Variants in GCNT1 observed in about 807,000 individuals in gnomAD.
GCNT1 encodes the protein glucosaminyl (N-acetyl) transferase 1.
In GCNT1, 16 loss-of-function variants were observed where a neutral mutation model predicts 26.2. The observed-to-expected ratio is 0.61, with a 90% CI of 0.41 to 0.93. The LOEUF is 0.93. Ranked by LOEUF, GCNT1 falls within the 40% of genes least tolerant of loss-of-function variation. The pLI is 0.00. For synonymous variants in GCNT1, 183 were observed against 190.8 expected (o/e 0.96, Z 0.34); for missense variants, 477 against 526.7 (o/e 0.91, Z 0.92).
the GCNT1 span, among the ~76,000 whole-genome samples, chr9:76,402,370 T>G: frequency 6.6e-6 from 1 of 152,210 alleles, no homozygotes; most frequent in South Asian, 2.1e-4. Context: ...AAATAACATT[T>G]TGAAAACTAA....
chr9:76,428,504 T>C (rs1184318247), intron 1 of GCNT1, among the ~76,000 whole-genome samples: 2 of 151,928 alleles, frequency 1.3e-5, no homozygotes, highest in East Asian at 1.9e-4. Flanking sequence ...ATATTTGCTT[T>C]TTTTGACTTC....
chr9:76,447,791 A>T (rs933829857), intron 1 of GCNT1, among the ~76,000 whole-genome samples: 1 of 152,008 alleles, frequency 6.6e-6, no homozygotes, highest in African/African-American at 2.4e-5. Flanking sequence ...CTTTAAAAAA[A>T]CTCTGTGAGC....
At chr9:76,472,656 C>G (rs1208023605) in intron 2 of GCNT1, among the ~76,000 whole-genome samples, 1 of 152,044 alleles carries the variant, frequency 6.6e-6, no homozygotes, top group East Asian at 1.9e-4. Flanking sequence ...TAAATATTTA[C>G]AGTAGACCTG....
intron 2 of GCNT1, among the ~76,000 whole-genome samples, chr9:76,488,682 A>C (rs966860401): frequency 1.3e-5 from 2 of 152,122 alleles, no homozygotes; most frequent in African/African-American, 4.8e-5. Flanking sequence ...ACAGGGTTTC[A>C]TCATGTTGGC....
At chr9:76,469,854 C>A (rs921415303) in intron 2 of GCNT1, among the ~76,000 whole-genome samples, 1 of 152,138 alleles carries the variant, frequency 6.6e-6, no homozygotes, top group East Asian at 1.9e-4. Context: ...ATAACACTCA[C>A]CGCATGGCCC....
At chr9:76,428,862 G>A (rs533125624) in intron 1 of GCNT1, among the ~76,000 whole-genome samples, 17 of 151,912 alleles carry the variant, frequency 1.1e-4, no homozygotes, top group African/African-American at 3.9e-4. Flanking sequence ...CACCACACCC[G>A]GCTAATTTTG....
chr9:76,421,914 G>A (rs1270706188), intron 1 of GCNT1, among the ~76,000 whole-genome samples: 2 of 151,864 alleles, frequency 1.3e-5, no homozygotes, highest in East Asian at 3.9e-4. Context: ...TTCATTCTTA[G>A]GCTGCTATGA....
chr9:76,488,301 G>A (rs1008081537), intron 2 of GCNT1, among the ~76,000 whole-genome samples: 1 of 152,074 alleles, frequency 6.6e-6, no homozygotes, highest in Non-Finnish European at 1.5e-5. Context: ...TTTAGTTGAC[G>A]ACTTCTTTCC....
intron 2 of GCNT1, among the ~76,000 whole-genome samples, chr9:76,465,417 C>T (rs1208472428): frequency 6.6e-6 from 1 of 152,188 alleles, no homozygotes; most frequent in Non-Finnish European, 1.5e-5. Context: ...AGCCACCGCA[C>T]CTGGCCTAAT....
the GCNT1 span, among the ~76,000 whole-genome samples, chr9:76,414,301 A>G: frequency 6.6e-6 from 1 of 152,182 alleles, no homozygotes; most frequent in Admixed American, 6.5e-5. Context: ...AAACAACAAA[A>G]AGTACACCTT....
chr9:76,411,279 T>G, the GCNT1 span, among the ~76,000 whole-genome samples: 1 of 152,146 alleles, frequency 6.6e-6, no homozygotes, highest in Non-Finnish European at 1.5e-5. Flanking sequence ...GTTTTTGACT[T>G]CCACTTTTTC....
chr9:76,403,709 A>G, the GCNT1 span, among the ~76,000 whole-genome samples: 1 of 152,202 alleles, frequency 6.6e-6, no homozygotes, highest in Admixed American at 6.5e-5. Flanking sequence ...TCAATCACAA[A>G]AGATAAAAAG....
upstream of GCNT1, chr9:76,419,746 T>G (rs984150878): frequency 2.6e-5 from 4 of 152,196 alleles, no homozygotes; most frequent in Admixed American, 2.0e-4. Context: ...ACTGCTACAT[T>G]GTGACTTAAC....
At chr9:76,497,610 C>T (rs1009598240) in intron 2 of GCNT1, among the ~76,000 whole-genome samples, 1 of 152,116 alleles carries the variant, frequency 6.6e-6, no homozygotes, top group African/African-American at 2.4e-5. Flanking sequence ...AGGATGTAGA[C>T]GACAGTGGTA....
rs189741084 is a variant in GCNT1 at position 76,505,438 on chromosome 9, T to C, written c.*1770T>C. 401 of 167,374 alleles carry C rather than the reference T, an allele frequency of 2.4e-3. No individual in the cohort carries two copies. The highest frequency in any genetic ancestry group is 7.8e-3 in the African/African-American group (324 of 41,584). The allele number at this position is 167,374 out of a possible 1,614,324, so 10.4% of individuals were successfully genotyped here. On this transcript the variant is annotated 3_prime_UTR_variant, in exon 4 of 4. Transcript: ENST00000376730. Reference sequence around the variant, plus strand: ...GTACATGCAGTGTGTTCTCTCTTTATTGGCTTCTAAACCAGTTTTGTCCTT... The same window carrying C: ...GTACATGCAGTGTGTTCTCTCTTTACTGGCTTCTAAACCAGTTTTGTCCTT...
upstream of GCNT1, among the ~76,000 whole-genome samples, chr9:76,454,584 T>C (rs1438850946): frequency 7.1e-6 from 1 of 141,086 alleles, no homozygotes; most frequent in Admixed American, 7.0e-5. Context: ...GTAATCCCCA[T>C]AATCCCCACG....
chr9:76,444,349 G>A (rs1484603790), intron 1 of GCNT1, among the ~76,000 whole-genome samples: 1 of 152,126 alleles, frequency 6.6e-6, no homozygotes, highest in Non-Finnish European at 1.5e-5. Context: ...ATACAGAAGG[G>A]CTGTAGAGAA....
intron 2 of GCNT1, among the ~76,000 whole-genome samples, chr9:76,476,659 G>GT (rs952067246): frequency 1.3e-5 from 2 of 152,132 alleles, no homozygotes; most frequent in Non-Finnish European, 1.5e-5. Flanking sequence ...GAGAGGACAG[G>GT]TTTTTTCCAT....
At chr9:76,495,017 T>C (rs1366661131) in intron 2 of GCNT1, among the ~76,000 whole-genome samples, 1 of 152,178 alleles carries the variant, frequency 6.6e-6, no homozygotes, top group Non-Finnish European at 1.5e-5. Flanking sequence ...GACACCCGTA[T>C]CTTTAGTCCG....
Sources: allele counts gnomAD v4.1 joint callset (sites outside exome capture counted in the v4.1 genomes callset), GRCh38; gene constraint gnomAD v4.1.1; transcripts MANE v1.5; gene names NCBI Gene and HGNC (gene_info 2026-07-23, HGNC 2026-07-21).